Variants in DPP10 observed in about 807,000 individuals in gnomAD.
The protein encoded by DPP10 is inactive dipeptidyl peptidase 10.
Under a neutral mutation model 120.9 loss-of-function variants are expected in DPP10, and 33 were observed. That is an observed-to-expected ratio of 0.27 (90% CI 0.21 to 0.37). The LOEUF (loss-of-function observed/expected upper bound fraction) is 0.37, where lower values mean the gene tolerates loss of function less well. Ranked by LOEUF, DPP10 falls within the 10% of genes least tolerant of loss-of-function variation. The pLI, the probability that DPP10 is intolerant of heterozygous loss-of-function variation, is 1.00. For synonymous variants in DPP10, 337 were observed against 326.1 expected (o/e 1.03, Z -0.36); for missense variants, 816 against 942.8 (o/e 0.87, Z 1.76).
intron 3 of DPP10, among the ~76,000 whole-genome samples, chr2:115,460,286 A>G (rs929725212): frequency 2.6e-5 from 4 of 152,052 alleles, no homozygotes; most frequent in Non-Finnish European, 4.4e-5. Flanking sequence ...CAAATATAAA[A>G]CCTTTCTTTC....
At chr2:115,777,732 G>A in intron 14 of DPP10, 55 bp from the exon 15 acceptor site, 12 of 1,581,476 alleles carry the variant, frequency 7.6e-6, no homozygotes, top group Non-Finnish European at 1.0e-5. Flanking sequence ...AAAATTCACA[G>A]ATCACAAAAA....
intron 1 of DPP10, among the ~76,000 whole-genome samples, chr2:114,924,295 G>C (rs759915649): frequency 2.6e-5 from 4 of 152,168 alleles, no homozygotes. Context: ...GGAGGCCAAA[G>C]GCAGGTGGAT....
At chr2:115,627,395 G>T (rs2085451408) in intron 5 of DPP10, among the ~76,000 whole-genome samples, 1 of 152,092 alleles carries the variant, frequency 6.6e-6, no homozygotes, top group Non-Finnish European at 1.5e-5. Flanking sequence ...GGCCCACACA[G>T]GTTGCACTTG....
intron 1 of DPP10, among the ~76,000 whole-genome samples, chr2:115,208,017 A>T (rs932941487): frequency 1.5e-4 from 23 of 152,192 alleles, no homozygotes; most frequent in African/African-American, 5.5e-4. Context: ...TATTAGATAG[A>T]GGACGATAGC....
chr2:115,414,799 T>C (rs1202721537), intron 3 of DPP10, among the ~76,000 whole-genome samples: 3 of 152,210 alleles, frequency 2.0e-5, no homozygotes, highest in Non-Finnish European at 2.9e-5. Flanking sequence ...TGGAATACTT[T>C]GGACAATTCA....
chr2:115,192,117 A>G (rs2054925581), intron 1 of DPP10, among the ~76,000 whole-genome samples: 1 of 152,182 alleles, frequency 6.6e-6, no homozygotes, highest in South Asian at 2.1e-4. Flanking sequence ...TAATTTCTTA[A>G]TGGCACGTGC....
intron 1 of DPP10, among the ~76,000 whole-genome samples, chr2:114,808,864 C>T (rs1213399018): frequency 6.6e-6 from 1 of 152,144 alleles, no homozygotes; most frequent in Admixed American, 6.6e-5. Context: ...CTCCCCACCC[C>T]TAGTTTCTCC....
intron 21 of DPP10, among the ~76,000 whole-genome samples, chr2:115,818,691 G>A (rs963485878): frequency 6.6e-6 from 1 of 152,136 alleles, no homozygotes; most frequent in African/African-American, 2.4e-5. Context: ...GGAAGACTGG[G>A]CCGAGACGAT....
chr2:114,771,274 C>A (rs1179393943), intron 1 of DPP10, among the ~76,000 whole-genome samples: 2 of 152,086 alleles, frequency 1.3e-5, no homozygotes, highest in Non-Finnish European at 2.9e-5. Flanking sequence ...AGCCATTAGC[C>A]CAACTGCAGG....
In DPP10 at chr2:115,581,558, C is replaced by T. The variant is rs574100356; in HGVS notation, c.441+55586C>T. 1.2e-4 allele frequency among the ~76,000 whole-genome samples: 19 copies of T among 152,170 alleles called. No individual in the cohort carries two copies. In the South Asian group the frequency reaches 4.0e-3, roughly 32 times the overall value. ...CTATACTCTGTTATACAAAATAACT[C>T]TTCTAAATAAATAAACCAATGCTGG... On this transcript the variant is annotated intron_variant, in intron 5 of 25. Coordinates refer to ENST00000410059, the MANE Select transcript of DPP10 (RefSeq NM_020868.6).
intron 1 of DPP10, among the ~76,000 whole-genome samples, chr2:114,449,947 C>T (rs1369818922): frequency 2.6e-5 from 4 of 152,028 alleles, no homozygotes; most frequent in Admixed American, 6.6e-5. Flanking sequence ...CATCATGAAC[C>T]TTTACCAGGG....
At chr2:114,616,243 T>C (rs1358826701) in intron 1 of DPP10, among the ~76,000 whole-genome samples, 1 of 152,120 alleles carries the variant, frequency 6.6e-6, no homozygotes, top group Non-Finnish European at 1.5e-5. Context: ...CCATTACAAT[T>C]GACAGAGTGT....
intron 1 of DPP10, among the ~76,000 whole-genome samples, chr2:114,840,639 T>C (rs1363182243): frequency 2.0e-5 from 3 of 152,200 alleles, no homozygotes; most frequent in South Asian, 2.1e-4. Context: ...TATAGATTTA[T>C]TCAAGAAGAG....
Position 115,672,566 on chromosome 2 carries a change from A to G in DPP10, c.442-17121A>G, listed in dbSNP as rs141466235. ...CTAACTACAACATTTAAAAATTTTT[A>G]TCTTGTCCCTGATGCTTTCGTTTCC... is the stretch of plus-strand genomic sequence containing the variant. On this transcript the variant is annotated intron_variant, in intron 5 of 25. Transcript: ENST00000410059. 2.2e-4 allele frequency among the ~76,000 whole-genome samples: 34 copies of G among 152,200 alleles called. 1 individual carries two copies. The East Asian group carries it at 6.6e-3, about 29-fold the overall frequency.
intron 1 of DPP10, among the ~76,000 whole-genome samples, chr2:114,972,959 ACAGT>A (rs1477350367): frequency 3.9e-5 from 6 of 152,224 alleles, no homozygotes; most frequent in African/African-American, 7.2e-5. Context: ...CATCCAGAAC[ACAGT>A]CAGGCTTTGT....
intron 1 of DPP10, among the ~76,000 whole-genome samples, chr2:114,727,149 T>A (rs1485374147): frequency 6.6e-6 from 1 of 152,210 alleles, no homozygotes; most frequent in Non-Finnish European, 1.5e-5. Flanking sequence ...GAGCTTGATT[T>A]GCTGTAGAGG....
chr2:115,339,583 A>T (rs1427745465), intron 2 of DPP10, among the ~76,000 whole-genome samples: 1 of 152,176 alleles, frequency 6.6e-6, no homozygotes, highest in Admixed American at 6.6e-5. Context: ...ATGAGTGAAG[A>T]GTTAAAGAAT....
chr2:114,690,581 C>A (rs1339905418), intron 1 of DPP10, among the ~76,000 whole-genome samples: 1 of 151,912 alleles, frequency 6.6e-6, no homozygotes, highest in Non-Finnish European at 1.5e-5. Flanking sequence ...CTTTTTGGTT[C>A]CATGTGAATA....
chr2:114,735,084 C>T (rs919200923), intron 1 of DPP10, among the ~76,000 whole-genome samples: 1 of 152,058 alleles, frequency 6.6e-6, no homozygotes, highest in Non-Finnish European at 1.5e-5. Context: ...ATCTCATTAA[C>T]CTCATCACCT....
Sources: gnomAD v4.1 joint callset for allele counts (sites outside exome capture counted in the v4.1 genomes callset) on GRCh38, gnomAD v4.1.1 for gene constraint, MANE v1.5 for transcripts, NCBI Gene and HGNC (gene_info 2026-07-23, HGNC 2026-07-21) for gene names.